Variants in MAP4K3 observed in about 807,000 individuals in gnomAD.
MAP4K3 encodes MAPK/ERK kinase kinase kinase 3.
Under a neutral mutation model 143.5 loss-of-function variants are expected in MAP4K3, and 94 were observed. The observed-to-expected ratio is 0.65, with a 90% CI of 0.55 to 0.78. The LOEUF (loss-of-function observed/expected upper bound fraction) is 0.78. Ranked by LOEUF, MAP4K3 falls within the 30% of genes least tolerant of loss-of-function variation. The probability of loss-of-function intolerance (pLI) is 0.00; values close to 1 mark genes in which losing one functional copy is unlikely to be tolerated. For synonymous variants in MAP4K3, 416 were observed against 347.2 expected (o/e 1.20, Z -2.20); for missense variants, 1,077 against 1,068.1 (o/e 1.01, Z -0.12).
At position 39,286,920 on chromosome 2, in the gene MAP4K3, A is replaced by G. The variant is rs1437146296; in HGVS notation, c.1519T>C (p.Ser507Pro). 6.2e-7 allele frequency: 1 copy of G among 1,609,664 alleles called. No homozygotes were observed. The highest frequency in any genetic ancestry group is 8.5e-7 in the Non-Finnish European group (1 of 1,178,646). The change falls in exon 21 of 34, where the codon TCA becomes CCA. Residue 507 changes from serine to proline, a missense_variant. Ser to Pro is a moderately conservative substitution (Grantham distance 74). Around this residue, in one of 2 missense-constraint regions of MAP4K3, gnomAD observed 864 missense variants for 801.2 expected, o/e 1.08. Transcript: ENST00000263881. ...TGTTCATTCTGTTGTTGACATAATG[A>G]GCCATCTCGTTCACCATTTAACTGG... The part of the protein sequence containing the change: ...SFQLNGERDG[S>P]LCQQQNEHRG...
chr2:39,324,597 T>A (rs1683427260), intron 12 of MAP4K3, among the ~76,000 whole-genome samples: 1 of 152,196 alleles, frequency 6.6e-6, no homozygotes. Flanking sequence ...CTCTCTGACT[T>A]AAGACAATCT....
intron 4 of MAP4K3, among the ~76,000 whole-genome samples, chr2:39,342,709 T>A (rs1481877141): frequency 2.0e-5 from 3 of 152,154 alleles, no homozygotes; most frequent in African/African-American, 7.2e-5. Context: ...TCAAATTACT[T>A]AAGTGGCCCC....
Position 39,372,695 on chromosome 2 carries a change from G to A in MAP4K3, c.154+5371C>T, listed in dbSNP as rs117950122. Among the ~76,000 whole-genome samples the A allele has an allele frequency of 7.9e-5, 12 of 152,186 alleles. No homozygotes were observed. In the East Asian group the frequency reaches 2.3e-3, roughly 29 times the overall value. ...AAGAACATACACTGGGGAAAGGACA[G>A]TCTCTTCAATAAGTGGTGCTGAGAA... is the stretch of plus-strand genomic sequence containing the variant. On this transcript the variant is annotated intron_variant, in intron 2 of 33. Coordinates refer to ENST00000263881, the MANE Select transcript of MAP4K3 (RefSeq NM_003618.4).
At chr2:39,365,412 T>C (rs959194189) in intron 2 of MAP4K3, among the ~76,000 whole-genome samples, 2 of 151,424 alleles carry the variant, frequency 1.3e-5, no homozygotes, top group African/African-American at 4.8e-5. Context: ...AATTTTATTT[T>C]TGGGTTACGC....
intron 2 of MAP4K3, among the ~76,000 whole-genome samples, chr2:39,372,108 T>C (rs1390686290): frequency 1.3e-5 from 2 of 151,626 alleles, no homozygotes; most frequent in African/African-American, 2.4e-5. Context: ...AAAATAAATA[T>C]TCAAAAAGTA....
At chr2:39,274,908 T>A (rs1681181630) in intron 24 of MAP4K3, among the ~76,000 whole-genome samples, 1 of 152,236 alleles carries the variant, frequency 6.6e-6, no homozygotes, top group African/African-American at 2.4e-5. Flanking sequence ...TGTCATCTTC[T>A]CACTTTTCAG....
chr2:39,422,556 A>C (rs1487883210), intron 1 of MAP4K3, among the ~76,000 whole-genome samples: 3 of 152,196 alleles, frequency 2.0e-5, no homozygotes, highest in Non-Finnish European at 4.4e-5. Context: ...AGTCTGTGGT[A>C]CTTTCTAATA....
At chr2:39,281,019 T>C (rs1681501862) in intron 22 of MAP4K3, among the ~76,000 whole-genome samples, 1 of 152,200 alleles carries the variant, frequency 6.6e-6, no homozygotes, top group Non-Finnish European at 1.5e-5. Flanking sequence ...TTGAACTTTA[T>C]ATTATCAAAG....
At chr2:39,288,673 A>G (rs1423729931) in intron 19 of MAP4K3, among the ~76,000 whole-genome samples, 2 of 152,192 alleles carry the variant, frequency 1.3e-5, no homozygotes, top group African/African-American at 4.8e-5. Flanking sequence ...TATCAAGGCT[A>G]ATCTAAGCTG....
At chr2:39,369,832 C>T (rs1258367476) in intron 2 of MAP4K3, among the ~76,000 whole-genome samples, 1 of 152,190 alleles carries the variant, frequency 6.6e-6, no homozygotes, top group Admixed American at 6.5e-5. Context: ...AGTAAATAGT[C>T]AAAGGCGGAT....
chr2:39,398,972 A>C lies in MAP4K3; in HGVS notation c.97-20849T>G, dbSNP rs559099871. 4.0e-5 allele frequency among the ~76,000 whole-genome samples: 6 copies of C among 148,188 alleles called. No homozygotes were observed. The South Asian group carries it at 1.3e-3, about 32-fold the overall frequency. On this transcript the variant is annotated intron_variant, in intron 1 of 33. Transcript: ENST00000263881. ...GGCAGGAGAATCGCTTGAACCCAGG[A>C]GGTGGAAGCTGCAGTGAGCTGAGAT...
intron 1 of MAP4K3, among the ~76,000 whole-genome samples, chr2:39,432,924 T>A (rs929398042): frequency 2.0e-5 from 3 of 152,012 alleles, no homozygotes; most frequent in Non-Finnish European, 4.4e-5. Context: ...TGAAAAAAAA[T>A]CAATATCAAC....
chr2:39,260,716 T>C lies in MAP4K3; in HGVS notation c.2198A>G (p.Gln733Arg). The C allele has an allele frequency of 6.2e-7, 1 of 1,613,746 alleles. No homozygotes were observed. The highest frequency in any genetic ancestry group is 2.2e-5 in the East Asian group (1 of 44,868). Residue 733 changes from glutamine (Q) to arginine (R), a missense_variant, in exon 29 of 34, where the codon CAG becomes CGG. Physicochemically the swap from Gln to Arg is conservative, Grantham distance 43. Coordinates refer to ENST00000263881, the MANE Select transcript of MAP4K3 (RefSeq NM_003618.4). ...ACCAACACAAACTAAAGGGTACTCC[T>C]GTTCAGGAACTACCAGCATTTCAAA... ...RMFEMLVVPE[Q>R]EYPLVCVGVS... is the part of the protein sequence containing the mutation.
At chr2:39,386,408 G>T (rs947242477) in intron 1 of MAP4K3, among the ~76,000 whole-genome samples, 1 of 152,152 alleles carries the variant, frequency 6.6e-6, no homozygotes, top group African/African-American at 2.4e-5. Context: ...TTTTATTTTT[G>T]ATAAAGTCCA....
chr2:39,281,610 T>C (rs984489031), intron 22 of MAP4K3, among the ~76,000 whole-genome samples: 39 of 152,246 alleles, frequency 2.6e-4, no homozygotes, highest in Middle Eastern at 3.4e-3. Context: ...AGCTAATTTG[T>C]ATAGCTGGAG....
intron 4 of MAP4K3, among the ~76,000 whole-genome samples, chr2:39,342,693 C>A (rs377190932): frequency 8.5e-5 from 13 of 152,184 alleles, no homozygotes; most frequent in African/African-American, 3.1e-4. Flanking sequence ...TAGTGTAATT[C>A]ACCCCTCAAA....
At chr2:39,417,034 A>C (rs896993978) in intron 1 of MAP4K3, among the ~76,000 whole-genome samples, 1 of 152,214 alleles carries the variant, frequency 6.6e-6, no homozygotes, top group Non-Finnish European at 1.5e-5. Flanking sequence ...TGCTTAGCAC[A>C]TAGTAAGTGG....
intron 1 of MAP4K3, among the ~76,000 whole-genome samples, chr2:39,400,536 C>T (rs1666927629): frequency 6.6e-6 from 1 of 152,134 alleles, no homozygotes; most frequent in Admixed American, 6.5e-5. Flanking sequence ...TCTTCCCCTT[C>T]ATTTAGTTCC....
At chr2:39,335,736 A>G (rs991701547) in intron 6 of MAP4K3, among the ~76,000 whole-genome samples, 1 of 152,272 alleles carries the variant, frequency 6.6e-6, no homozygotes, top group Non-Finnish European at 1.5e-5. Flanking sequence ...TTTGAACTCC[A>G]AAAGCTCTTT....
Sources: allele counts gnomAD v4.1 joint callset (sites outside exome capture counted in the v4.1 genomes callset), GRCh38; gene constraint gnomAD v4.1.1; regional missense constraint gnomAD v4.1.1; transcripts MANE v1.5; gene names NCBI Gene and HGNC (gene_info 2026-07-23, HGNC 2026-07-21).